The following PPARD variants were observed in gnomAD, a reference collection of about 807,000 sequenced individuals.
PPARD encodes peroxisome proliferator activated receptor delta, also known as peroxisome proliferator-activated receptor delta.
A neutral mutation model predicts 39.5 loss-of-function variants in PPARD; 6 were observed. That is an observed-to-expected ratio of 0.15 (90% CI 0.08 to 0.30). The LOEUF (loss-of-function observed/expected upper bound fraction) is 0.30, where lower values mean the gene tolerates loss of function less well. Among genes scored for constraint, PPARD ranks in the 10% least tolerant of loss-of-function variants. The pLI is 1.00. For synonymous variants in PPARD, 210 were observed against 231.3 expected, an observed-to-expected ratio of 0.91 and a Z score of 0.83; for missense variants, 397 against 596.8, an observed-to-expected ratio of 0.67 and a Z score of 3.49.
At chr6:35,365,077 A>G (rs1385956056) in intron 2 of PPARD, among the ~76,000 whole-genome samples, 1 of 148,496 alleles carries the variant, frequency 6.7e-6, no homozygotes, top group Non-Finnish European at 1.5e-5. Flanking sequence ...ACCTTGCTTC[A>G]CTTATTATAT....
At chr6:35,402,142 C>T (rs1367607080) in intron 2 of PPARD, among the ~76,000 whole-genome samples, 6 of 152,200 alleles carry the variant, frequency 3.9e-5, no homozygotes, top group South Asian at 2.1e-4. Flanking sequence ...AGGTATCCCA[C>T]GCTCACTGTG....
At chr6:35,384,899 C>T (rs1316994799) in intron 2 of PPARD, among the ~76,000 whole-genome samples, 3 of 128,660 alleles carry the variant, frequency 2.3e-5, no homozygotes, top group Admixed American at 7.1e-5. Flanking sequence ...CTCTGCCTGG[C>T]CGCCCCTACT....
intron 2 of PPARD, among the ~76,000 whole-genome samples, chr6:35,390,312 T>G (rs1763937521): frequency 6.6e-6 from 1 of 152,230 alleles, no homozygotes; most frequent in Non-Finnish European, 1.5e-5. Flanking sequence ...TGTGTTTTAC[T>G]CCTTTTGTCA....
intron 2 of PPARD, among the ~76,000 whole-genome samples, chr6:35,409,813 C>T (rs1480868360): frequency 6.6e-6 from 1 of 152,182 alleles, no homozygotes; most frequent in Non-Finnish European, 1.5e-5. Flanking sequence ...ACAAACTTGG[C>T]TGTACATTAC....
intron 2 of PPARD, among the ~76,000 whole-genome samples, chr6:35,405,653 CAG>C (rs1205809150): frequency 2.0e-5 from 3 of 151,722 alleles, no homozygotes; most frequent in African/African-American, 4.8e-5. Flanking sequence ...TGTTTTGAGA[CAG>C]AGTCTCCTCT....
At chr6:35,405,189 C>T (rs1220560526) in intron 2 of PPARD, among the ~76,000 whole-genome samples, 2 of 151,962 alleles carry the variant, frequency 1.3e-5, no homozygotes, top group Non-Finnish European at 2.9e-5. Flanking sequence ...TCCCAGGTAG[C>T]TGGGATTACA....
At chr6:35,368,570 G>T (rs999832135) in intron 2 of PPARD, among the ~76,000 whole-genome samples, 2 of 152,164 alleles carry the variant, frequency 1.3e-5, no homozygotes, top group African/African-American at 2.4e-5. Context: ...TGGGAGTACA[G>T]CCTGGTTGGG....
At chr6:35,349,147 T>C (rs755441635) in intron 2 of PPARD, 10 of 596,974 alleles carry the variant, frequency 1.7e-5, no homozygotes, top group Admixed American at 6.4e-5. Context: ...TGCCTAAGCC[T>C]CCTGAGTAGC....
chr6:35,414,620 C>T (rs933049607), intron 3 of PPARD, among the ~76,000 whole-genome samples: 1 of 152,128 alleles, frequency 6.6e-6, no homozygotes, highest in African/African-American at 2.4e-5. Context: ...ATTCTCTTCA[C>T]CTTTATAGGC....
intron 2 of PPARD, among the ~76,000 whole-genome samples, chr6:35,364,375 T>C (rs1762074451): frequency 6.6e-6 from 1 of 152,156 alleles, no homozygotes; most frequent in Admixed American, 6.6e-5. Flanking sequence ...ATGCTTTAGG[T>C]TCTCTTGGGA....
At chr6:35,403,161 G>A (rs540285600) in intron 2 of PPARD, among the ~76,000 whole-genome samples, 1 of 152,204 alleles carries the variant, frequency 6.6e-6, no homozygotes, top group Non-Finnish European at 1.5e-5. Flanking sequence ...GGTCCCTTGG[G>A]TTTCAGCAGG....
rs143932705 is a variant in PPARD at position 35,415,135 on chromosome 6, G to T, written c.130+3918G>T. ...CCTGGCCTCAGCACCTCCTCACTTG[G>T]CAAGCACTTGGTGGGCATCAGGCTG... On this transcript the variant is annotated intron_variant, in intron 3 of 7. Coordinates refer to ENST00000360694, the MANE Select transcript of PPARD (RefSeq NM_006238.5). 1.6e-3 allele frequency among the ~76,000 whole-genome samples: 245 copies of T among 152,292 alleles called. 5 individuals carry two copies. Among genetic ancestry groups the T allele is most frequent in the African/African-American group, 5.6e-3 (232 of 41,566 alleles).
intron 2 of PPARD, among the ~76,000 whole-genome samples, chr6:35,384,375 G>A (rs1193790421): frequency 1.0e-4 from 13 of 125,406 alleles, no homozygotes; most frequent in African/African-American, 3.5e-4. Flanking sequence ...CTGCCTGGCT[G>A]CCCCTACTGG....
chr6:35,419,995 T>A (rs1301850050), intron 3 of PPARD, 132 bp from the exon 4 acceptor site: 1 of 1,059,822 alleles, frequency 9.4e-7, no homozygotes, highest in East Asian at 2.7e-5. Flanking sequence ...AAGAAACTGG[T>A]CCTCAGAAAG....
At chr6:35,405,979 T>G (rs1765022267) in intron 2 of PPARD, among the ~76,000 whole-genome samples, 1 of 150,864 alleles carries the variant, frequency 6.6e-6, no homozygotes, top group South Asian at 2.1e-4. Context: ...CAGGCTGGAG[T>G]GCAGCAGTGC....
chr6:35,394,989 G>C (rs1764235042), intron 2 of PPARD, among the ~76,000 whole-genome samples: 1 of 152,032 alleles, frequency 6.6e-6, no homozygotes, highest in Admixed American at 6.6e-5. Context: ...GTTGCCCAGA[G>C]GTACACAGCA....
At chr6:35,417,691 C>T (rs1228719513) in intron 3 of PPARD, among the ~76,000 whole-genome samples, 2 of 152,084 alleles carry the variant, frequency 1.3e-5, no homozygotes, top group African/African-American at 4.8e-5. Context: ...GCCACCACGC[C>T]CAGCTAATTT....
intron 2 of PPARD, among the ~76,000 whole-genome samples, chr6:35,388,586 C>T (rs1162465676): frequency 2.0e-5 from 3 of 152,100 alleles, no homozygotes; most frequent in African/African-American, 4.8e-5. Flanking sequence ...GTGGCGCACA[C>T]GTGTAATCCC....
intron 2 of PPARD, among the ~76,000 whole-genome samples, chr6:35,355,084 G>A (rs1761494770): frequency 6.6e-6 from 1 of 152,172 alleles, no homozygotes; most frequent in Non-Finnish European, 1.5e-5. Flanking sequence ...AACCAGCCCA[G>A]ATTTACAGGC....
Sources: gnomAD v4.1 joint callset for allele counts (sites outside exome capture counted in the v4.1 genomes callset) on GRCh38, gnomAD v4.1.1 for gene constraint, MANE v1.5 for transcripts, NCBI Gene and HGNC (gene_info 2026-07-23, HGNC 2026-07-21) for gene names.